Variants in ELOVL6 observed in about 807,000 individuals in gnomAD.
ELOVL6 encodes the protein very long chain fatty acid elongase 6.
In ELOVL6, 8 loss-of-function variants were observed where a neutral mutation model predicts 31.7. That is an observed-to-expected ratio of 0.25 (90% CI 0.15 to 0.45). The LOEUF is 0.45. ELOVL6 is among the 20% of genes least tolerant of loss of function. The probability of loss-of-function intolerance (pLI) is 1.00; values close to 1 mark genes in which losing one functional copy is unlikely to be tolerated. For synonymous variants in ELOVL6, 101 were observed against 117.7 expected (o/e 0.86, Z 0.92); for missense variants, 126 against 326.4 (o/e 0.39, Z 4.73).
intron 3 of ELOVL6, among the ~76,000 whole-genome samples, chr4:110,056,127 G>GT (rs567023195): frequency 9.1e-5 from 13 of 142,708 alleles, no homozygotes; most frequent in African/African-American, 3.5e-4. Flanking sequence ...GGAGCTGGGG[G>GT]GGGGGATACA....
Position 110,169,637 on chromosome 4 carries a change from G to A in ELOVL6, c.89+28610C>T, listed in dbSNP as rs566353151. Reference sequence around the variant, plus strand: ...ATTAAAACAATGGTGAAGGATTCACGGTGTGTGTGTGAGCACACACAGGTG... The same window carrying A: ...ATTAAAACAATGGTGAAGGATTCACAGTGTGTGTGTGAGCACACACAGGTG... On this transcript the variant is annotated intron_variant, in intron 1 of 3. Coordinates refer to ENST00000302274, the MANE Select transcript of ELOVL6 (RefSeq NM_024090.3). 1.5e-4 allele frequency among the ~76,000 whole-genome samples: 23 copies of A among 151,986 alleles called. No individual in the cohort carries two copies. In the East Asian group the frequency reaches 2.5e-3, roughly 17 times the overall value.
intron 1 of ELOVL6, 53 bp from the exon 2 acceptor site, chr4:110,105,681 C>G: frequency 3.2e-6 from 5 of 1,543,968 alleles, no homozygotes; most frequent in Non-Finnish European, 3.5e-6. Context: ...TAGGAAACAC[C>G]AAATTTTGTA....
chr4:110,104,656 G>A (rs113815162), intron 2 of ELOVL6, among the ~76,000 whole-genome samples: 89 of 152,160 alleles, frequency 5.8e-4, no homozygotes, highest in Middle Eastern at 6.8e-3. Context: ...CATTTACTCC[G>A]CTCCCGTTCC....
intron 2 of ELOVL6, among the ~76,000 whole-genome samples, chr4:110,086,740 C>T (rs927186670): frequency 3.9e-5 from 6 of 152,104 alleles, no homozygotes; most frequent in East Asian, 3.9e-4. Context: ...AAGTTAGACA[C>T]GACAAAAAGT....
intron 3 of ELOVL6, among the ~76,000 whole-genome samples, chr4:110,054,336 T>C (rs766329111): frequency 2.6e-5 from 4 of 152,178 alleles, no homozygotes; most frequent in African/African-American, 4.8e-5. Context: ...AGTGTTAAAC[T>C]GTGCTATTTT....
intron 2 of ELOVL6, among the ~76,000 whole-genome samples, chr4:110,084,148 T>TATATATAAC (rs1756054164): frequency 1.3e-5 from 1 of 78,666 alleles, no homozygotes; most frequent in East Asian, 3.7e-4. Flanking sequence ...ATATATATGA[T>TATATATAAC]ATATATAACA....
intron 1 of ELOVL6, among the ~76,000 whole-genome samples, chr4:110,183,609 T>C (rs1759359192): frequency 6.8e-6 from 1 of 146,578 alleles, no homozygotes. Flanking sequence ...CCTTTACAGA[T>C]CTATTTTTTT....
Position 110,121,631 on chromosome 4 carries a change from G to A in ELOVL6, c.90-16003C>T, listed in dbSNP as rs377110426. ...GGAGAATGGCGTGAACCCAGGAGGC[G>A]GAGGTTGCAGTGAGCCGAGATTGCG... is the stretch of plus-strand genomic sequence containing the variant. On this transcript the variant is annotated intron_variant, in intron 1 of 3. Coordinates refer to ENST00000302274, the MANE Select transcript of ELOVL6 (RefSeq NM_024090.3). Among the ~76,000 whole-genome samples, 23 of 152,190 alleles carry A rather than the reference G, an allele frequency of 1.5e-4. No homozygotes were observed. In the South Asian group the frequency reaches 4.2e-3, roughly 27 times the overall value.
chr4:110,048,854 A>G lies in ELOVL6; in HGVS notation c.*2484T>C, dbSNP rs1471744889. 1 of 152,252 alleles carries G rather than the reference A, an allele frequency of 6.6e-6. No individual in the cohort carries two copies. The highest frequency in any genetic ancestry group is 2.4e-5 in the African/African-American group (1 of 41,476). 9.4% of individuals were successfully genotyped at this position (152,252 alleles called of 1,614,324 possible). A position where few individuals can be genotyped will look rare whatever the true frequency, so the allele number is the denominator to read the frequency against. On this transcript the variant is annotated 3_prime_UTR_variant, in exon 4 of 4. Coordinates refer to ENST00000302274, the MANE Select transcript of ELOVL6 (RefSeq NM_024090.3). ...ATTTTACAAGTAAAGACAAACAAACATGAACCTAATACCAAAATGAAAGTG... is the reference window on the plus strand; with the variant it reads ...ATTTTACAAGTAAAGACAAACAAACGTGAACCTAATACCAAAATGAAAGTG...
chr4:110,147,278 T>TAAAAAAAAAAAAAA (rs34418243), intron 1 of ELOVL6: 1 of 129,458 alleles, frequency 7.7e-6, no homozygotes, highest in African/African-American at 2.9e-5. Context: ...CAATTAAAAG[T>TAAAAAAAAAAAAAA]AAAAAAAAAA....
intron 2 of ELOVL6, among the ~76,000 whole-genome samples, chr4:110,079,059 A>G (rs1191542922): frequency 6.6e-6 from 1 of 152,230 alleles, no homozygotes; most frequent in Non-Finnish European, 1.5e-5. Context: ...ATATATATGC[A>G]CTCAATACAG....
chr4:110,075,511 C>G (rs963998184), intron 2 of ELOVL6, among the ~76,000 whole-genome samples: 1 of 152,046 alleles, frequency 6.6e-6, no homozygotes, highest in African/African-American at 2.4e-5. Context: ...AAGCCAGTCA[C>G]AAAAAGACAA....
chr4:110,159,318 T>A (rs1758562772), intron 1 of ELOVL6, among the ~76,000 whole-genome samples: 1 of 152,234 alleles, frequency 6.6e-6, no homozygotes, highest in Non-Finnish European at 1.5e-5. Flanking sequence ...ACAAGAGAAC[T>A]ATTAGTTAAC....
chr4:110,095,511 G>T (rs1437166719), intron 2 of ELOVL6, among the ~76,000 whole-genome samples: 1 of 150,404 alleles, frequency 6.6e-6, no homozygotes, highest in Non-Finnish European at 1.5e-5. Flanking sequence ...CATGAAATTA[G>T]GAATGGGCAA....
chr4:110,056,600 G>T (rs555787527), intron 3 of ELOVL6, among the ~76,000 whole-genome samples: 8 of 152,090 alleles, frequency 5.3e-5, no homozygotes, highest in Middle Eastern at 3.4e-3. Context: ...ACTGTATGAA[G>T]AATTTGTGTT....
At chr4:110,077,167 G>C (rs1755664265) in intron 2 of ELOVL6, among the ~76,000 whole-genome samples, 1 of 152,218 alleles carries the variant, frequency 6.6e-6, no homozygotes, top group Non-Finnish European at 1.5e-5. Context: ...CTGGGGGCAG[G>C]GCATAGCCAA....
At chr4:110,070,383 C>G (rs892408713) in intron 2 of ELOVL6, among the ~76,000 whole-genome samples, 1 of 152,126 alleles carries the variant, frequency 6.6e-6, no homozygotes, top group African/African-American at 2.4e-5. Context: ...AAAAAACTCA[C>G]CAGGATCACA....
At chr4:110,099,549 A>G (rs575777726) in intron 2 of ELOVL6, among the ~76,000 whole-genome samples, 11 of 152,324 alleles carry the variant, frequency 7.2e-5, no homozygotes, top group African/African-American at 2.6e-4. Context: ...AAAAGGAGTA[A>G]GCAAAGGTGA....
chr4:110,194,604 C>A (rs979055743), intron 1 of ELOVL6, among the ~76,000 whole-genome samples: 1 of 152,156 alleles, frequency 6.6e-6, no homozygotes, highest in Non-Finnish European at 1.5e-5. Context: ...CTCAGTTGAA[C>A]CCTTTAGGGT....
Sources: gnomAD v4.1 joint callset for allele counts (sites outside exome capture counted in the v4.1 genomes callset) on GRCh38, gnomAD v4.1.1 for gene constraint, MANE v1.5 for transcripts, NCBI Gene and HGNC (gene_info 2026-07-23, HGNC 2026-07-21) for gene names.